KHDRBS2: variants seen among roughly 807,000 people sequenced by gnomAD.
KHDRBS2 encodes KH domain-containing, RNA-binding, signal transduction-associated protein 2.
A neutral mutation model predicts 44.3 loss-of-function variants in KHDRBS2; 26 were observed. That is an observed-to-expected ratio of 0.59 (90% confidence interval 0.43 to 0.81). KHDRBS2 has a LOEUF of 0.81. Among genes scored for constraint, KHDRBS2 ranks in the 40% least tolerant of loss-of-function variants. The pLI, the probability that KHDRBS2 is intolerant of heterozygous loss-of-function variation, is 0.00. For synonymous variants in KHDRBS2, 194 were observed against 151.1 expected (o/e 1.28, Z -2.08); for missense variants, 476 against 433.1 (o/e 1.10, Z -0.88).
At chr6:61,899,752 A>T (rs1803615347) in intron 5 of KHDRBS2, among the ~76,000 whole-genome samples, 1 of 125,968 alleles carries the variant, frequency 7.9e-6, no homozygotes, top group Non-Finnish European at 1.7e-5. Context: ...CCGCATTTTA[A>T]GGCATACAAA....
chr6:62,027,278 G>T (rs1208835652), intron 3 of KHDRBS2, among the ~76,000 whole-genome samples: 1 of 152,002 alleles, frequency 6.6e-6, no homozygotes, highest in African/African-American at 2.4e-5. Context: ...TTTTCTTAGT[G>T]CCAACTGCAT....
chr6:61,663,425 TA>T, the KHDRBS2 span, among the ~76,000 whole-genome samples: 1 of 133,394 alleles, frequency 7.5e-6, no homozygotes, highest in Admixed American at 7.8e-5. Context: ...ATTAAAAAAA[TA>T]AAAATAAAAA....
At chr6:62,072,445 T>G (rs1176846530) in intron 2 of KHDRBS2, among the ~76,000 whole-genome samples, 2 of 152,204 alleles carry the variant, frequency 1.3e-5, no homozygotes, top group East Asian at 1.9e-4. Context: ...GTTTCCAATT[T>G]TTGCCCATTC....
At chr6:61,801,650 G>A (rs1181431591) in intron 6 of KHDRBS2, among the ~76,000 whole-genome samples, 1 of 152,062 alleles carries the variant, frequency 6.6e-6, no homozygotes, top group African/African-American at 2.4e-5. Context: ...TAATGACATT[G>A]GTGATGATGA....
chr6:61,758,419 G>A (rs1353802011), intron 6 of KHDRBS2, among the ~76,000 whole-genome samples: 5 of 151,614 alleles, frequency 3.3e-5, no homozygotes, highest in Non-Finnish European at 5.9e-5. Context: ...GATCATGAAT[G>A]TTTGACAAAT....
Position 62,064,738 on chromosome 6 carries a change from A to G in KHDRBS2, c.220-16744T>C, listed in dbSNP as rs577620626. 6.6e-4 allele frequency among the ~76,000 whole-genome samples: 101 copies of G among 152,272 alleles called. 1 individual carries two copies. The highest frequency in any genetic ancestry group is 2.0e-3 in the African/African-American group (85 of 41,552). The stretch of plus-strand genomic sequence containing the variant: ...AGGCATGGGCAAGGGCTTCATGTCT[A>G]AAACACCAAAAGCAATGGCAACAAA... On this transcript the variant is annotated intron_variant, in intron 2 of 8. Transcript: ENST00000281156.
chr6:62,084,642 T>A (rs1798069882), intron 2 of KHDRBS2, among the ~76,000 whole-genome samples: 1 of 152,198 alleles, frequency 6.6e-6, no homozygotes, highest in Non-Finnish European at 1.5e-5. Context: ...ACAATTATTC[T>A]GAACTAATAA....
chr6:62,276,820 C>G (rs1585575926), intron 1 of KHDRBS2, among the ~76,000 whole-genome samples: 1 of 152,168 alleles, frequency 6.6e-6, no homozygotes, highest in South Asian at 2.1e-4. Context: ...CATTGGGTCT[C>G]TATCACAGGA....
rs1178845054 is a variant in KHDRBS2 at position 61,848,511 on chromosome 6, G to GTATA, written c.810+46120_810+46123dup. Among the ~76,000 whole-genome samples, 2 of 30,074 alleles carry GTATA rather than the reference G, an allele frequency of 6.7e-5. 1 individual carries two copies. Among genetic ancestry groups the GTATA allele is most frequent in the Non-Finnish European group, 1.2e-4 (2 of 16,812 alleles). The allele number at this position is 30,074 out of a possible 152,430, so 19.7% of individuals were successfully genotyped here. A position where few individuals can be genotyped will look rare whatever the true frequency, so the allele number is the denominator to read the frequency against. On this transcript the variant is annotated intron_variant, in intron 6 of 8. Coordinates refer to ENST00000281156, the MANE Select transcript of KHDRBS2 (RefSeq NM_152688.4). ...TATATGTATATATATATATATATATGTATATATGTATATATATATACATAT... is the reference window on the plus strand; with the variant it reads ...TATATGTATATATATATATATATATGTATATATATATGTATATATATATACATAT...
chr6:61,557,071 T>C, the KHDRBS2 span, among the ~76,000 whole-genome samples: 2 of 152,080 alleles, frequency 1.3e-5, no homozygotes, highest in East Asian at 3.9e-4. Context: ...CATATTATGG[T>C]AAAAATACTT....
chr6:62,136,531 C>T (rs1326939389), intron 2 of KHDRBS2, among the ~76,000 whole-genome samples: 3 of 152,148 alleles, frequency 2.0e-5, no homozygotes, highest in Admixed American at 1.3e-4. Flanking sequence ...TTTTGTATGA[C>T]TGTCACAAAA....
chr6:61,987,572 C>T (rs971474722), intron 3 of KHDRBS2, among the ~76,000 whole-genome samples: 1 of 152,080 alleles, frequency 6.6e-6, no homozygotes, highest in Non-Finnish European at 1.5e-5. Flanking sequence ...ATTGTCTGCA[C>T]AGCTTTTACC....
chr6:61,668,217 A>G, the KHDRBS2 span, among the ~76,000 whole-genome samples: 2 of 150,984 alleles, frequency 1.3e-5, no homozygotes, highest in South Asian at 4.1e-4. Flanking sequence ...AGTGTGGTAA[A>G]ATGACTTTGG....
intron 1 of KHDRBS2, among the ~76,000 whole-genome samples, chr6:62,220,593 G>A (rs1830744233): frequency 6.6e-6 from 1 of 151,770 alleles, no homozygotes. Flanking sequence ...ATATTGATCA[G>A]GAGGAAGGTA....
rs529896717 is a variant in KHDRBS2 at position 61,744,726 on chromosome 6, T to C, written c.811-11962A>G. On this transcript the variant is annotated intron_variant, in intron 6 of 8. Coordinates refer to ENST00000281156, the MANE Select transcript of KHDRBS2 (RefSeq NM_152688.4). ...TTATCCTTTTTATCCTTTATCCTTT[T>C]TTTTCTGGATTCCTTTGTCTTCTAG... Among the ~76,000 whole-genome samples, 87 of 152,252 alleles carry C rather than the reference T, an allele frequency of 5.7e-4. 1 individual carries two copies. Among genetic ancestry groups the C allele is most frequent in the African/African-American group, 1.8e-3 (75 of 41,576 alleles).
At chr6:62,095,777 G>T (rs948420294) in intron 2 of KHDRBS2, among the ~76,000 whole-genome samples, 4 of 151,856 alleles carry the variant, frequency 2.6e-5, no homozygotes, top group African/African-American at 4.8e-5. Flanking sequence ...AATACAAGTG[G>T]ACATTCTTGT....
chr6:62,079,701 T>C (rs1349738327), intron 2 of KHDRBS2, among the ~76,000 whole-genome samples: 1 of 151,982 alleles, frequency 6.6e-6, no homozygotes, highest in African/African-American at 2.4e-5. Flanking sequence ...ACAAACAGAG[T>C]GATATCTAAT....
At chr6:61,987,313 TA>T (rs1196034381) in intron 3 of KHDRBS2, among the ~76,000 whole-genome samples, 1 of 152,194 alleles carries the variant, frequency 6.6e-6, no homozygotes, top group African/African-American at 2.4e-5. Flanking sequence ...GTTAAACTTC[TA>T]AAATCCCAAT....
chr6:62,030,875 G>C (rs1317017639), intron 3 of KHDRBS2, among the ~76,000 whole-genome samples: 1 of 151,940 alleles, frequency 6.6e-6, no homozygotes, highest in Non-Finnish European at 1.5e-5. Context: ...GCCCAAATTG[G>C]AAACAACCTA....
Sources: gnomAD v4.1 joint callset for allele counts (sites outside exome capture counted in the v4.1 genomes callset) on GRCh38, gnomAD v4.1.1 for gene constraint, MANE v1.5 for transcripts, NCBI Gene and HGNC (gene_info 2026-07-23, HGNC 2026-07-21) for gene names.